The following EVC2 variants were observed in gnomAD, a reference collection of about 807,000 sequenced individuals.
EVC2 encodes the protein limbin.
EVC2 carries 148 observed loss-of-function variants against 149.3 expected under a neutral mutation model. That is an observed-to-expected ratio of 0.99 (90% CI 0.87 to 1.14). The LOEUF (loss-of-function observed/expected upper bound fraction) is 1.14. Ranked by LOEUF, EVC2 falls within the 50% of genes most tolerant of loss-of-function variation. The probability of loss-of-function intolerance (pLI) is 0.00; values close to 1 mark genes in which losing one functional copy is unlikely to be tolerated. For synonymous variants in EVC2, 776 were observed against 649.9 expected, an observed-to-expected ratio of 1.19 and a Z score of -2.95; for missense variants, 1,854 against 1,627.3, an observed-to-expected ratio of 1.14 and a Z score of -2.40.
At chr4:5,697,240 G>A (rs1009516041) in intron 2 of EVC2, among the ~76,000 whole-genome samples, 1 of 152,232 alleles carries the variant, frequency 6.6e-6, no homozygotes, top group African/African-American at 2.4e-5. Flanking sequence ...AGTACTGTAA[G>A]AGAATAAACG....
intron 1 of EVC2, among the ~76,000 whole-genome samples, chr4:5,701,984 G>C (rs912443784): frequency 1.3e-5 from 2 of 152,008 alleles, no homozygotes; most frequent in African/African-American, 4.8e-5. Flanking sequence ...CCGCCTGCCT[G>C]CTTGCCACTT....
At chr4:5,693,232 T>C (rs995523187) in intron 3 of EVC2, among the ~76,000 whole-genome samples, 2 of 152,184 alleles carry the variant, frequency 1.3e-5, no homozygotes, top group African/African-American at 2.4e-5. Context: ...CAATGAGTAC[T>C]GTAGTGGGTT....
chr4:5,596,882 T>C (rs539151323), intron 16 of EVC2, among the ~76,000 whole-genome samples: 2 of 152,186 alleles, frequency 1.3e-5, no homozygotes, highest in Admixed American at 1.3e-4. Flanking sequence ...ATAAAGGGGA[T>C]ATCACCACCG....
rs1722523243 is a variant in EVC2, at chr4:5,569,569, G to A, written c.3361-929C>T. On this transcript the variant is annotated intron_variant, in intron 19 of 21. Transcript: ENST00000344408. This position sits in a 1 kb window ranked among gnomAD's most constrained non-coding sequence, Gnocchi z 4.8. Reference sequence around the variant, plus strand: ...CACTTTGGACAGCTGGAGAGGAAAAGAGGCCCCAGGACAGAGCTATTGGGT... The same window carrying A: ...CACTTTGGACAGCTGGAGAGGAAAAAAGGCCCCAGGACAGAGCTATTGGGT... 6.6e-6 allele frequency among the ~76,000 whole-genome samples: 1 copy of A among 152,080 alleles called. No homozygotes were observed. Among genetic ancestry groups the A allele is most frequent in the African/African-American group, 2.4e-5 (1 of 41,406 alleles).
At chr4:5,685,576 G>C in intron 5 of EVC2, 97 bp from the exon 6 acceptor site, 2 of 1,001,520 alleles carry the variant, frequency 2.0e-6, no homozygotes, top group Non-Finnish European at 3.1e-6. Flanking sequence ...CCTGGCTTCA[G>C]TGGTTCCAAG....
intron 1 of EVC2, among the ~76,000 whole-genome samples, chr4:5,699,075 GGGCTGGA>G (rs1721665486): frequency 6.6e-6 from 1 of 152,210 alleles, no homozygotes; most frequent in African/African-American, 2.4e-5. Context: ...AACCCCAGCT[GGGCTGGA>G]GGCTGATTTT....
At chr4:5,616,468 G>T (rs891150718) in intron 15 of EVC2, among the ~76,000 whole-genome samples, 2 of 152,204 alleles carry the variant, frequency 1.3e-5, no homozygotes, top group Non-Finnish European at 2.9e-5. Flanking sequence ...TCAAAGAGAA[G>T]TATGTGGTGA....
intron 16 of EVC2, among the ~76,000 whole-genome samples, chr4:5,600,812 C>T (rs184528360): frequency 4.6e-5 from 7 of 152,100 alleles, no homozygotes; most frequent in Admixed American, 2.6e-4. Flanking sequence ...TCCCAGAATT[C>T]CCCCCACCCA....
chr4:5,692,884 AAAAAAAG>A (rs1486698933), intron 3 of EVC2, among the ~76,000 whole-genome samples: 2 of 135,718 alleles, frequency 1.5e-5, no homozygotes, highest in African/African-American at 6.4e-5. Context: ...AAAAAAAAAA[AAAAAAAG>A]AAAAAAGAAA....
chr4:5,640,890 A>G lies in EVC2; in HGVS notation c.1146-52T>C, dbSNP rs764914852. ...TCCATTACATGAAATTGCAACAGAA[A>G]CCAAAGGTCTTTCAAAGCTCTGAGG... On this transcript the variant is annotated intron_variant, in intron 9 of 21. Transcript: ENST00000344408. This position sits in a 1 kb window ranked among gnomAD's most constrained non-coding sequence, Gnocchi z 4.6. 1 of 1,602,162 alleles carries G rather than the reference A, an allele frequency of 6.2e-7. No individual in the cohort carries two copies. Among genetic ancestry groups the G allele is most frequent in the East Asian group, 2.2e-5 (1 of 44,820 alleles).
intron 9 of EVC2, among the ~76,000 whole-genome samples, chr4:5,649,485 AGAT>A (rs1717960726): frequency 6.6e-6 from 1 of 152,204 alleles, no homozygotes; most frequent in Non-Finnish European, 1.5e-5. Flanking sequence ...AAAAGAGAGA[AGAT>A]GACATTAATT....
Position 5,708,515 on chromosome 4 carries a change from G to A in EVC2, c.-2C>T. On this transcript the variant is annotated 5_prime_UTR_variant, in exon 1 of 22. Transcript: ENST00000344408. ...CCCCCGGGAGCCCGAGGGGTCCATC[G>A]CCTGTCGGGACCCGCTACCTCAAAG... 6.8e-7 allele frequency: 1 copy of A among 1,463,392 alleles called. No homozygotes were observed. The highest frequency in any genetic ancestry group is 9.0e-7 in the Non-Finnish European group (1 of 1,114,750). 90.7% of individuals were successfully genotyped at this position (1,463,392 alleles called of 1,614,324 possible). A position where few individuals can be genotyped will look rare whatever the true frequency, so the allele number is the denominator to read the frequency against.
intron 21 of EVC2, among the ~76,000 whole-genome samples, chr4:5,553,347 T>TCCCCCATGATCCAATCACTTCCCA (rs1185077070): frequency 6.6e-6 from 1 of 152,052 alleles, no homozygotes; most frequent in African/African-American, 2.4e-5. Flanking sequence ...ATGAGAAATA[T>TCCCCCATGATCCAATCACTTCCCA]CCCCCATGAT....
chr4:5,663,118 T>C lies in EVC2; in HGVS notation c.1134A>G (p.Gln378=), dbSNP rs756310412. The C allele has an allele frequency of 1.2e-5, 19 of 1,614,058 alleles. No individual in the cohort carries two copies. Among genetic ancestry groups the C allele is most frequent in the Non-Finnish European group, 1.4e-5 (17 of 1,180,030 alleles). The change falls in exon 9 of 22, where the codon CAA becomes CAG. Residue 378 remains glutamine (Q), a synonymous_variant. Coordinates refer to ENST00000344408, the MANE Select transcript of EVC2 (RefSeq NM_147127.5). ...LSSEDPGSML[Q]ALEELEIATL... ...TTTAGAATTCTTACTCTTCTAAGGC[T>C]TGAAGCATGCTCCCAGGGTCCTCGG...
chr4:5,650,630 T>TAGAGAGAG (rs1477699429), intron 9 of EVC2, among the ~76,000 whole-genome samples: 8 of 67,920 alleles, frequency 1.2e-4, no homozygotes, highest in South Asian at 5.1e-4. Context: ...TATATATATA[T>TAGAGAGAG]ATATATATAG....
the EVC2 span, among the ~76,000 whole-genome samples, chr4:5,536,780 T>A: frequency 7.3e-6 from 1 of 136,658 alleles, no homozygotes; most frequent in Non-Finnish European, 1.5e-5. Flanking sequence ...CAAGACTCTG[T>A]CTCAAAAAAA....
At chr4:5,700,195 G>A (rs888044425) in intron 1 of EVC2, among the ~76,000 whole-genome samples, 10 of 152,164 alleles carry the variant, frequency 6.6e-5, no homozygotes, top group African/African-American at 2.2e-4. Flanking sequence ...ATGTATGTGT[G>A]TGGGCAGAGG....
rs768535791 is a variant in EVC2 at position 5,625,825 on chromosome 4, T to C, written c.1970A>G (p.Asp657Gly). 1.2e-6 allele frequency: 2 copies of C among 1,614,150 alleles called. No homozygotes were observed. The highest frequency in any genetic ancestry group is 1.7e-6 in the Non-Finnish European group (2 of 1,180,034). ...TTTCTTTTCCTGCTTTAAGTCATTG[T>C]CCAACTTCTGCTTGATTGAAAAGAC... ...TEVFSIKQKL[D>G]NDLKQEKKKL... is the part of the protein sequence containing the mutation. The change falls in exon 13 of 22, where the codon GAC becomes GGC. Residue 657 changes from aspartate (D) to glycine (G), a missense_variant. Asp to Gly is a moderately conservative substitution (Grantham distance 94, BLOSUM62 -1). Coordinates refer to ENST00000344408, the MANE Select transcript of EVC2 (RefSeq NM_147127.5). The surrounding 1 kb of genome is among the most constrained non-coding windows in gnomAD (Gnocchi z 4.0).
chr4:5,614,256 T>C lies in EVC2; in HGVS notation c.2829+1166A>G, dbSNP rs1560165496. On this transcript the variant is annotated intron_variant, in intron 16 of 21. Coordinates refer to ENST00000344408, the MANE Select transcript of EVC2 (RefSeq NM_147127.5). The surrounding 1 kb of genome is among the most constrained non-coding windows in gnomAD (Gnocchi z 4.7). ...CACATTATCTAATTTCTTTCCTTAA[T>C]AGCACTGATGACAGTCTATCATTTT... Among the ~76,000 whole-genome samples the C allele has an allele frequency of 6.6e-6, 1 of 152,198 alleles. No individual in the cohort carries two copies. The highest frequency in any genetic ancestry group is 6.5e-5 in the Admixed American group (1 of 15,286).
Sources: gnomAD v4.1 joint callset for allele counts (sites outside exome capture counted in the v4.1 genomes callset) on GRCh38, gnomAD v4.1.1 for gene constraint, Gnocchi (gnomAD v3.1) non-coding constraint, MANE v1.5 for transcripts, NCBI Gene and HGNC (gene_info 2026-07-23, HGNC 2026-07-21) for gene names.